Variants in PCNX1 observed in about 807,000 individuals in gnomAD.
PCNX1 encodes pecanex-like protein 1.
A neutral mutation model predicts 242.2 loss-of-function variants in PCNX1; 78 were observed. The ratio of observed to expected loss-of-function variants is 0.32; its 90% CI spans 0.27 to 0.39. The LOEUF is 0.39. Ranked by LOEUF, PCNX1 falls within the 10% of genes least tolerant of loss-of-function variation. PCNX1 has a pLI of 1.00. For synonymous variants in PCNX1, 1,024 were observed against 1,032.9 expected (o/e 0.99, Z 0.17); for missense variants, 2,581 against 2,856.5 (o/e 0.90, Z 2.20).
At chr14:71,082,365 C>CT (rs764219643) in intron 28 of PCNX1, among the ~76,000 whole-genome samples, 18 of 152,142 alleles carry the variant, frequency 1.2e-4, no homozygotes, top group African/African-American at 1.7e-4. Flanking sequence ...CTGTAGACAT[C>CT]TATTAGGTCT....
intron 2 of PCNX1, among the ~76,000 whole-genome samples, chr14:70,948,296 C>T (rs1221598046): frequency 6.6e-6 from 1 of 152,100 alleles, no homozygotes; most frequent in African/African-American, 2.4e-5. Context: ...ATCACGGAAC[C>T]TGCCGACATG....
chr14:71,092,159 C>T (rs1319548211), intron 30 of PCNX1, among the ~76,000 whole-genome samples: 2 of 152,276 alleles, frequency 1.3e-5, no homozygotes, highest in African/African-American at 2.4e-5. Flanking sequence ...CCCACCATTC[C>T]GAGATAAGTG....
intron 30 of PCNX1, among the ~76,000 whole-genome samples, chr14:71,098,543 T>A (rs1389402861): frequency 3.7e-5 from 5 of 136,692 alleles, no homozygotes; most frequent in African/African-American, 8.6e-5. Context: ...TGTGTGTGTG[T>A]GTGTGTGTGT....
Position 71,076,280 on chromosome 14 carries a change from G to C in PCNX1, c.5198G>C (p.Arg1733Pro), listed in dbSNP as rs770763947. The part of the protein sequence containing the change: ...MQEGLRLCAD[R>P]NYVDVDPTFN... Reference sequence around the variant, plus strand: ...GAAGGACTTCGTCTGTGTGCTGATCGCAATTATGTCGATGTGGACCCGACC... The same window carrying C: ...GAAGGACTTCGTCTGTGTGCTGATCCCAATTATGTCGATGTGGACCCGACC... Residue 1733 changes from arginine (R) to proline (P), a missense_variant, in exon 28 of 36, where the codon CGC becomes CCC. By Grantham distance (103) the Arg-to-Pro change is moderately radical. Transcript: ENST00000304743. 50 of 1,613,712 alleles carry C rather than the reference G, an allele frequency of 3.1e-5. 1 individual carries two copies. The Middle Eastern group carries it at 4.9e-4, about 16-fold the overall frequency.
chr14:70,997,412 C>T (rs1208172848), intron 8 of PCNX1, among the ~76,000 whole-genome samples: 2 of 152,140 alleles, frequency 1.3e-5, no homozygotes, highest in African/African-American at 4.8e-5. Context: ...GATTGTCCTC[C>T]ATAAGAATTC....
intron 25 of PCNX1, among the ~76,000 whole-genome samples, chr14:71,056,671 T>C (rs2061189705): frequency 6.6e-6 from 1 of 151,994 alleles, no homozygotes; most frequent in Non-Finnish European, 1.5e-5. Context: ...TTTTAATGTT[T>C]TTCTTTCTTT....
intron 23 of PCNX1, 94 bp downstream of exon 23, chr14:71,050,854 C>T (rs971510320): frequency 8.6e-7 from 1 of 1,160,308 alleles, no homozygotes; most frequent in Non-Finnish European, 1.2e-6. Context: ...TGTAAGTTTA[C>T]TGTGTAATGA....
chr14:70,920,276 T>C (rs1371501676), intron 1 of PCNX1, among the ~76,000 whole-genome samples: 4 of 152,156 alleles, frequency 2.6e-5, no homozygotes, highest in Admixed American at 2.6e-4. Context: ...ATGCTATTAA[T>C]GGACTATACA....
Position 70,977,114 on chromosome 14 carries a change from T to C in PCNX1, c.777T>C (p.Cys259=). The change falls in exon 6 of 36, where the codon TGT becomes TGC. Residue 259 remains cysteine, a synonymous_variant. Coordinates refer to ENST00000304743, the MANE Select transcript of PCNX1 (RefSeq NM_014982.3). ...TTGATCAGTCTCTGTCCAGCGCCTG[T>C]GACACAGAAGTAGCTTCTCTTGTAC... ...HHVDQSLSSA[C]DTEVASLVPL... 6.2e-7 allele frequency: 1 copy of C among 1,614,190 alleles called. No homozygotes were observed.
At chr14:70,966,819 A>G (rs2058393655) in intron 3 of PCNX1, among the ~76,000 whole-genome samples, 5 of 152,218 alleles carry the variant, frequency 3.3e-5, no homozygotes, top group African/African-American at 1.2e-4. Context: ...CTAGGAAGTT[A>G]TATTTAATTC....
chr14:71,073,815 A>G lies in PCNX1; in HGVS notation c.5106+17A>G. 1 of 1,543,872 alleles carries G rather than the reference A, an allele frequency of 6.5e-7. No individual in the cohort carries two copies. The highest frequency in any genetic ancestry group is 2.3e-5 in the East Asian group (1 of 43,914). ...TATGTCAAGGTAGGAGTATGTGCCT[A>G]CTTAGATCTTTAGATAATCAGAGTT... On this transcript the variant is annotated intron_variant, in intron 27 of 35. Coordinates refer to ENST00000304743, the MANE Select transcript of PCNX1 (RefSeq NM_014982.3).
intron 8 of PCNX1, among the ~76,000 whole-genome samples, chr14:71,004,309 C>G (rs1209379801): frequency 6.6e-6 from 1 of 152,222 alleles, no homozygotes; most frequent in Non-Finnish European, 1.5e-5. Context: ...AACTCCCAGG[C>G]CATGGACTGG....
chr14:70,968,873 A>C, intron 4 of PCNX1, 148 bp from the exon 5 acceptor site: 2 of 559,760 alleles, frequency 3.6e-6, no homozygotes, highest in Non-Finnish European at 3.2e-6. Context: ...AGTTCAGTGC[A>C]TCTTCCATTA....
intron 2 of PCNX1, among the ~76,000 whole-genome samples, chr14:70,960,788 CCTT>C (rs2058182064): frequency 6.6e-6 from 1 of 152,058 alleles, no homozygotes; most frequent in African/African-American, 2.4e-5. Flanking sequence ...CCCAAAATCT[CCTT>C]AAGCTGATAA....
At chr14:71,096,002 C>T (rs987163655) in intron 30 of PCNX1, among the ~76,000 whole-genome samples, 3 of 151,912 alleles carry the variant, frequency 2.0e-5, no homozygotes, top group Middle Eastern at 3.2e-3. Flanking sequence ...ATAGCAAGAC[C>T]CTGTCTCTAC....
chr14:70,983,996 T>G lies in PCNX1; in HGVS notation c.2312-4571T>G, dbSNP rs148921651. ...AATGTTTATGTCTTTATATAGTAAT[T>G]TTGTTGTTGGGTAAAATCCCTTTTA... On this transcript the variant is annotated intron_variant, in intron 6 of 35. Transcript: ENST00000304743. Among the ~76,000 whole-genome samples, 20 of 151,562 alleles carry G rather than the reference T, an allele frequency of 1.3e-4. No homozygotes were observed. In the East Asian group the frequency reaches 3.7e-3, roughly 28 times the overall value.
At chr14:71,067,625 A>C (rs555023508) in intron 26 of PCNX1, among the ~76,000 whole-genome samples, 2 of 151,804 alleles carry the variant, frequency 1.3e-5, no homozygotes, top group Non-Finnish European at 2.9e-5. Flanking sequence ...CTCTGATCTT[A>C]GTTATTTCTT....
chr14:71,104,658 G>A (rs1211648911), intron 32 of PCNX1, among the ~76,000 whole-genome samples: 6 of 152,194 alleles, frequency 3.9e-5, no homozygotes, highest in African/African-American at 9.7e-5. Flanking sequence ...GCCCGGCGCT[G>A]TGGCTCACAC....
At position 71,047,942 on chromosome 14, in the gene PCNX1, C is replaced by G. The variant is rs1459912389; in HGVS notation, c.4296C>G (p.Thr1432=). The stretch of plus-strand genomic sequence containing the variant: ...TTGACTATGAAGCTTTTTCAGAGAC[C>G]ATGCTGTTGGATCTCTTCTTTATGT... ...FKFDYEAFSE[T]MLLDLFFMSI... Residue 1432 remains threonine, a synonymous_variant, in exon 22 of 36, where the codon ACC becomes ACG. Transcript: ENST00000304743. The G allele has an allele frequency of 6.2e-7, 1 of 1,612,802 alleles. No homozygotes were observed. Among genetic ancestry groups the G allele is most frequent in the African/African-American group, 1.3e-5 (1 of 74,858 alleles).
Sources: gnomAD v4.1 joint callset for allele counts (sites outside exome capture counted in the v4.1 genomes callset) on GRCh38, gnomAD v4.1.1 for gene constraint, MANE v1.5 for transcripts, NCBI Gene and HGNC (gene_info 2026-07-23, HGNC 2026-07-21) for gene names.